MORC4: variants seen among roughly 807,000 people sequenced by gnomAD.
MORC4 encodes MORC family CW-type zinc finger 4.
MORC4 carries 22 observed loss-of-function variants against 65.5 expected under a neutral mutation model. That is an observed-to-expected ratio of 0.34 (90% CI 0.24 to 0.48). MORC4 has a LOEUF of 0.48. Among genes scored for constraint, MORC4 ranks in the 20% least tolerant of loss-of-function variants. The probability of loss-of-function intolerance (pLI) is 0.99; values close to 1 mark genes in which losing one functional copy is unlikely to be tolerated. For missense variants in MORC4, 624 were observed against 703.0 expected (o/e 0.89, Z 1.27); for synonymous variants, 267 against 255.8 (o/e 1.04, Z -0.42).
intron 9 of MORC4, among the ~76,000 whole-genome samples, chrX:106,962,374 C>A (rs1163775834): frequency 8.9e-6 from 1 of 111,936 alleles, no homozygotes; most frequent in East Asian, 2.8e-4. Context: ...TATAAATTTT[C>A]AGGGCTTGTT....
At chrX:106,976,241 C>T (rs1345230752) in intron 9 of MORC4, among the ~76,000 whole-genome samples, 2 of 111,057 alleles carry the variant, frequency 1.8e-5, no homozygotes, top group Non-Finnish European at 3.8e-5. Context: ...TTTCAAACTG[C>T]TTTTTTTTAT....
intron 14 of MORC4, 103 bp from the exon 15 acceptor site, chrX:106,943,308 T>G: frequency 1.6e-6 from 1 of 619,852 alleles, no homozygotes; most frequent in Non-Finnish European, 2.5e-6. Context: ...AGACTGACTC[T>G]AGATGTTACC....
chrX:106,964,610 G>C (rs113378456), intron 9 of MORC4, among the ~76,000 whole-genome samples: 1 of 112,012 alleles, frequency 8.9e-6, no homozygotes, highest in African/African-American at 3.2e-5. Context: ...GACAAAGAGA[G>C]AATCTTAAAA....
At chrX:106,964,435 AGAG>A (rs1934326574) in intron 9 of MORC4, among the ~76,000 whole-genome samples, 1 of 111,949 alleles carries the variant, frequency 8.9e-6, no homozygotes, top group Admixed American at 9.5e-5. Flanking sequence ...AGTCCCAGAA[AGAG>A]AAGAGAGAAA....
intron 12 of MORC4, 68 bp from the exon 13 acceptor site, chrX:106,956,602 T>A: frequency 1.1e-6 from 1 of 885,441 alleles, no homozygotes; most frequent in Non-Finnish European, 1.7e-6. Flanking sequence ...GACTGCCAAT[T>A]GTAGATTTAG....
chrX:106,960,374 A>G (rs1438527050), intron 10 of MORC4, among the ~76,000 whole-genome samples: 1 of 111,995 alleles, frequency 8.9e-6, no homozygotes, highest in East Asian at 2.8e-4. Flanking sequence ...TTGGTAGCTG[A>G]GATGGCTTTA....
Position 106,999,796 on chromosome X carries a change from G to C in MORC4, c.103-47C>G, listed in dbSNP as rs780867197. ...GACCCGCGTGAGGCCTCGGCCCGCC[G>C]GGCCCTCCCCGCGCGCCCCCCGCAG... is the stretch of plus-strand genomic sequence containing the variant. On this transcript the variant is annotated intron_variant, in intron 1 of 16. Transcript: ENST00000355610. 5.1e-6 allele frequency: 5 copies of C among 977,486 alleles called. No individual in the cohort carries two copies. The South Asian group carries it at 1.9e-4, about 37-fold the overall frequency. 80.6% of individuals were successfully genotyped at this position (977,486 alleles called of 1,213,427 possible). A position where few individuals can be genotyped will look rare whatever the true frequency, so the allele number is the denominator to read the frequency against.
At chrX:106,973,883 T>C (rs1320513357) in intron 9 of MORC4, among the ~76,000 whole-genome samples, 1 of 111,734 alleles carries the variant, frequency 8.9e-6, no homozygotes, top group Non-Finnish European at 1.9e-5. Flanking sequence ...TGCCAACACC[T>C]CGATTATAGC....
intron 9 of MORC4, among the ~76,000 whole-genome samples, chrX:106,970,323 A>C (rs1477469817): frequency 1.8e-5 from 2 of 112,372 alleles, no homozygotes; most frequent in Non-Finnish European, 3.8e-5. Flanking sequence ...GATGGAACCT[A>C]TCTCAAAATA....
intron 14 of MORC4, 112 bp from the exon 15 acceptor site, chrX:106,943,317 C>T: frequency 1.7e-6 from 1 of 573,597 alleles, no homozygotes; most frequent in Non-Finnish European, 2.8e-6. Flanking sequence ...CTAGATGTTA[C>T]CCACAGACAA....
chrX:106,947,021 CAT>C (rs1480836092), intron 14 of MORC4, among the ~76,000 whole-genome samples: 2 of 111,257 alleles, frequency 1.8e-5, no homozygotes, highest in Non-Finnish European at 3.8e-5. Flanking sequence ...CCATAGTTTC[CAT>C]ATGTTTTGTT....
intron 14 of MORC4, among the ~76,000 whole-genome samples, chrX:106,950,872 G>T (rs900403071): frequency 8.9e-6 from 1 of 112,190 alleles, no homozygotes; most frequent in African/African-American, 3.2e-5. Flanking sequence ...ATAAAATAGA[G>T]CTTGGAGTGG....
chrX:106,989,527 A>G (rs938452929), intron 3 of MORC4, among the ~76,000 whole-genome samples: 2 of 112,141 alleles, frequency 1.8e-5, no homozygotes, highest in South Asian at 7.4e-4. Flanking sequence ...ATAAATTTGT[A>G]TAATTACTTC....
chrX:106,962,045 T>C lies in MORC4; in HGVS notation c.1223A>G (p.Asn408Ser). The change falls in exon 10 of 17, where the codon AAT (asparagine) becomes AGT (serine). Residue 408 changes from asparagine (N) to serine (S), a missense_variant. Asn to Ser is a conservative substitution (Grantham distance 46). Coordinates refer to ENST00000355610, the MANE Select transcript of MORC4 (RefSeq NM_024657.5). ...AYWKEKTSQDNFETSTVARPI... is the reference protein window; with the variant it reads ...AYWKEKTSQDSFETSTVARPI... The stretch of plus-strand genomic sequence containing the variant: ...CCTGGCTACAGTTGAGGTCTCAAAA[T>C]TATCTTGAGATGTTTTTTCCTTCCA... 4 of 1,209,906 alleles carry C rather than the reference T, an allele frequency of 3.3e-6. No individual in the cohort carries two copies. Among genetic ancestry groups the C allele is most frequent in the Non-Finnish European group, 4.5e-6 (4 of 893,799 alleles).
chrX:106,996,154 G>C (rs1464952405), intron 2 of MORC4, among the ~76,000 whole-genome samples: 1 of 105,798 alleles, frequency 9.5e-6, no homozygotes, highest in Non-Finnish European at 1.9e-5. Flanking sequence ...CCTCTTTACT[G>C]CAAGTTTTGC....
chrX:106,968,081 C>T lies in MORC4; in HGVS notation c.1158-5971G>A, dbSNP rs188994861. On this transcript the variant is annotated intron_variant, in intron 9 of 16. Coordinates refer to ENST00000355610, the MANE Select transcript of MORC4 (RefSeq NM_024657.5). ...CAGCCAGAGAGAAAGGGCGGGATAC[C>T]CACAAAGGGAAGCCCATCAGACTAA... Among the ~76,000 whole-genome samples the T allele has an allele frequency of 8.1e-5, 9 of 111,658 alleles. No individual in the cohort carries two copies. The Admixed American group carries it at 8.6e-4, about 11-fold the overall frequency.
rs73533039 is a variant in MORC4, at chrX:106,942,410, A to G, written c.2376+105T>C. ...ACACACCACAGAATAGTTCAGGGGC[A>G]TATTTTATTTAAAGGCCTCAGAACA... is the stretch of plus-strand genomic sequence containing the variant. On this transcript the variant is annotated intron_variant, in intron 15 of 16. Transcript: ENST00000355610. 16,871 of 878,577 alleles carry G rather than the reference A, an allele frequency of 0.019. 1,760 individuals carry two copies. In the African/African-American group the frequency reaches 0.3, roughly 16 times the overall value. 72.4% of individuals were successfully genotyped at this position (878,577 alleles called of 1,213,427 possible).
At chrX:106,944,709 A>G (rs781557159) in intron 14 of MORC4, among the ~76,000 whole-genome samples, 13 of 111,701 alleles carry the variant, frequency 1.2e-4, no homozygotes, top group Non-Finnish European at 2.4e-4. Context: ...CAGTATGTAT[A>G]AAACCAACCT....
chrX:106,952,968 T>G (rs1602478918), intron 14 of MORC4, among the ~76,000 whole-genome samples: 2 of 112,267 alleles, frequency 1.8e-5, no homozygotes, highest in African/African-American at 6.5e-5. Flanking sequence ...CAATCATCAT[T>G]TACTGATCTT....
Sources: allele counts gnomAD v4.1 joint callset (sites outside exome capture counted in the v4.1 genomes callset), GRCh38; gene constraint gnomAD v4.1.1; transcripts MANE v1.5; gene names NCBI Gene and HGNC (gene_info 2026-07-23, HGNC 2026-07-21).